The following SNAPC3 variants were observed in gnomAD, a reference collection of about 807,000 sequenced individuals.
SNAPC3 encodes snRNA-activating protein complex subunit 3.
A neutral mutation model predicts 47.7 loss-of-function variants in SNAPC3; 56 were observed. The observed-to-expected ratio is 1.18, with a 90% CI of 0.95 to 1.47. SNAPC3 has a LOEUF of 1.47. SNAPC3 is among the 40% of genes most tolerant of loss of function. SNAPC3 has a pLI of 0.00. For synonymous variants in SNAPC3, 235 were observed against 189.9 expected (o/e 1.24, Z -1.95); for missense variants, 665 against 511.3 (o/e 1.30, Z -2.90).
Position 15,423,080 on chromosome 9 carries a change from G to A in SNAPC3, c.201G>A (p.Pro67=), listed in dbSNP as rs1471798631. 20 of 1,523,086 alleles carry A rather than the reference G, an allele frequency of 1.3e-5. No homozygotes were observed. The highest frequency in any genetic ancestry group is 1.7e-5 in the Non-Finnish European group (19 of 1,143,798). The allele number at this position is 1,523,086 out of a possible 1,614,324, so 94.3% of individuals were successfully genotyped here. ...GGGACTTGTCGCTGAGGGAGCCGCC[G>A]GCATCCGCTCTGCCTGGGAGCCAGG... is the stretch of plus-strand genomic sequence containing the variant. ...GAGDLSLREP[P]ASALPGSQAA... is the part of the protein sequence containing the mutation. The change falls in exon 1 of 9, where the codon CCG becomes CCA. Residue 67 remains proline (P), a synonymous_variant. Coordinates refer to ENST00000380821, the MANE Select transcript of SNAPC3 (RefSeq NM_001039697.2).
intron 7 of SNAPC3, among the ~76,000 whole-genome samples, chr9:15,454,835 G>A (rs536704728): frequency 3.9e-5 from 6 of 152,318 alleles, no homozygotes; most frequent in Non-Finnish European, 5.9e-5. Flanking sequence ...TCGGGAGGCT[G>A]AGGCAGGAGA....
intron 3 of SNAPC3, among the ~76,000 whole-genome samples, chr9:15,440,628 C>A (rs1273775723): frequency 2.6e-5 from 4 of 152,100 alleles, no homozygotes; most frequent in Non-Finnish European, 1.5e-5. Context: ...GAGTTTGAGG[C>A]CAATCTAGGC....
chr9:15,439,696 G>A (rs866918432), intron 3 of SNAPC3, among the ~76,000 whole-genome samples: 3 of 151,950 alleles, frequency 2.0e-5, no homozygotes, highest in Admixed American at 6.6e-5. Context: ...CACCACACCC[G>A]GCTAATTTTT....
rs144122014 is a variant in SNAPC3, at chr9:15,428,286, A to C, written c.392+4300A>C. On this transcript the variant is annotated intron_variant, in intron 2 of 8. Transcript: ENST00000380821. ...TAACGAGAGCTTGTTGCAGATAATC[A>C]GGAAATAACTGTTTATACAGATCAA... 3.5e-3 allele frequency among the ~76,000 whole-genome samples: 526 copies of C among 152,218 alleles called. 1 individual carries two copies. Among genetic ancestry groups the C allele is most frequent in the African/African-American group, 0.012 (506 of 41,530 alleles).
chr9:15,437,620 T>C (rs1363348250), intron 3 of SNAPC3, among the ~76,000 whole-genome samples: 1 of 144,472 alleles, frequency 6.9e-6, no homozygotes. Flanking sequence ...TAATGATCTG[T>C]TGTTTTTTTT....
At chr9:15,437,789 A>T (rs1220430222) in intron 3 of SNAPC3, among the ~76,000 whole-genome samples, 1 of 152,214 alleles carries the variant, frequency 6.6e-6, no homozygotes, top group African/African-American at 2.4e-5. Context: ...TCATAACTGA[A>T]TGACATTAGA....
Position 15,451,390 on chromosome 9 carries a change from G to T in SNAPC3, c.803G>T (p.Arg268Ile). ...AATGATAAAAGATACCCAGAATGCA[G>T]AGATTTGAGCAGGTATAGTTTCCAA... ...FYNDKRYPECRDLSRTIIEWS... is the reference protein window; with the variant it reads ...FYNDKRYPECIDLSRTIIEWS... Residue 268 changes from arginine to isoleucine, a missense_variant, in exon 6 of 9, where the codon AGA (arginine) becomes ATA (isoleucine). By Grantham distance (97) the Arg-to-Ile change is moderately conservative (BLOSUM62 -3). Transcript: ENST00000380821. 6.5e-7 allele frequency: 1 copy of T among 1,535,440 alleles called. No individual in the cohort carries two copies. The highest frequency in any genetic ancestry group is 8.9e-7 in the Non-Finnish European group (1 of 1,120,932).
intron 3 of SNAPC3, among the ~76,000 whole-genome samples, chr9:15,442,130 G>T (rs1385089334): frequency 6.6e-6 from 1 of 150,524 alleles, no homozygotes; most frequent in South Asian, 2.1e-4. Context: ...CCTCCCTCCG[G>T]GACGGGGCGG....
intron 3 of SNAPC3, among the ~76,000 whole-genome samples, chr9:15,439,119 C>T (rs758388479): frequency 2.6e-4 from 39 of 151,874 alleles, no homozygotes; most frequent in Non-Finnish European, 4.3e-4. Flanking sequence ...AAGTTATCTT[C>T]CCACCTCCAC....
At chr9:15,436,624 G>C (rs1042313917) in intron 3 of SNAPC3, among the ~76,000 whole-genome samples, 1 of 152,088 alleles carries the variant, frequency 6.6e-6, no homozygotes, top group Non-Finnish European at 1.5e-5. Context: ...TGACTATTCA[G>C]AGTCCCTTGA....
At chr9:15,424,811 A>G (rs944339919) in intron 2 of SNAPC3, among the ~76,000 whole-genome samples, 1 of 152,184 alleles carries the variant, frequency 6.6e-6, no homozygotes, top group Admixed American at 6.5e-5. Context: ...TCTTGATCCT[A>G]CGCTATTATC....
In SNAPC3 at chr9:15,459,891, C is replaced by T. The variant is rs201587043; in HGVS notation, c.*25C>T. On this transcript the variant is annotated 3_prime_UTR_variant, in exon 9 of 9. Transcript: ENST00000380821. Reference sequence around the variant, plus strand: ...AGAATAGCTACACTCACAAAAATACCCCCTCATGAAATAACTGTTCTCTTG... The same window carrying T: ...AGAATAGCTACACTCACAAAAATACTCCCTCATGAAATAACTGTTCTCTTG... The T allele has an allele frequency of 6.3e-7, 1 of 1,594,228 alleles. No homozygotes were observed. Among genetic ancestry groups the T allele is most frequent in the African/African-American group, 1.3e-5 (1 of 74,264 alleles).
At chr9:15,428,111 C>CAAAA (rs34074367) in intron 2 of SNAPC3, among the ~76,000 whole-genome samples, 16 of 72,998 alleles carry the variant, frequency 2.2e-4, no homozygotes, top group African/African-American at 6.5e-4. Flanking sequence ...ACTCTGTCTC[C>CAAAA]AAAAAAAAAA....
downstream of SNAPC3, chr9:15,466,711 A>G: frequency 1.3e-6 from 2 of 1,504,148 alleles, no homozygotes; most frequent in Non-Finnish European, 1.8e-6. Context: ...CCTGAATAAT[A>G]AAAAACACAC....
rs924587012 is a variant in SNAPC3 at position 15,460,670 on chromosome 9, C to A, written c.*804C>A. The stretch of plus-strand genomic sequence containing the variant: ...CCTCCCAAAATTTTGGGATCACAGG[C>A]GTGAGCCACCGCGCCCGGCTGCTTT... On this transcript the variant is annotated 3_prime_UTR_variant, in exon 9 of 9. Coordinates refer to ENST00000380821, the MANE Select transcript of SNAPC3 (RefSeq NM_001039697.2). 2.0e-5 allele frequency: 3 copies of A among 152,296 alleles called. No homozygotes were observed. Among genetic ancestry groups the A allele is most frequent in the Non-Finnish European group, 2.9e-5 (2 of 68,104 alleles). 9.4% of individuals were successfully genotyped at this position (152,296 alleles called of 1,614,324 possible).
At chr9:15,456,348 AAAC>A (rs750023644) in intron 7 of SNAPC3, among the ~76,000 whole-genome samples, 3 of 152,122 alleles carry the variant, frequency 2.0e-5, no homozygotes, top group Non-Finnish European at 4.4e-5. Context: ...CTATTTCTAT[AAAC>A]AACGTGATTC....
downstream of SNAPC3, chr9:15,465,588 A>G: frequency 6.4e-7 from 1 of 1,564,136 alleles, no homozygotes; most frequent in Non-Finnish European, 8.8e-7. Flanking sequence ...GGCCTGAAGA[A>G]AAGGGGGAAA....
intron 3 of SNAPC3, among the ~76,000 whole-genome samples, chr9:15,441,393 T>TTTTC (rs2033359833): frequency 7.8e-6 from 1 of 127,864 alleles, no homozygotes; most frequent in African/African-American, 2.9e-5. Flanking sequence ...CTTTTTTTTT[T>TTTTC]TTTTTTTTTT....
rs1430620412 is a variant in SNAPC3 at position 15,460,962 on chromosome 9, A to C, written c.*1096A>C. The C allele has an allele frequency of 6.6e-6, 1 of 152,264 alleles. No individual in the cohort carries two copies. The highest frequency in any genetic ancestry group is 1.9e-4 in the East Asian group (1 of 5,174). 9.4% of individuals were successfully genotyped at this position (152,264 alleles called of 1,614,324 possible). On this transcript the variant is annotated 3_prime_UTR_variant, in exon 9 of 9. Coordinates refer to ENST00000380821, the MANE Select transcript of SNAPC3 (RefSeq NM_001039697.2). Reference sequence around the variant, plus strand: ...TCGTATGACTGTGGGGACATGGAAAAATCAAGATCCTATTGATTGCTAGCT... The same window carrying C: ...TCGTATGACTGTGGGGACATGGAAACATCAAGATCCTATTGATTGCTAGCT...
Sources: gnomAD v4.1 joint callset for allele counts (sites outside exome capture counted in the v4.1 genomes callset) on GRCh38, gnomAD v4.1.1 for gene constraint, MANE v1.5 for transcripts, NCBI Gene and HGNC (gene_info 2026-07-23, HGNC 2026-07-21) for gene names.